Variants in VPS54 observed in about 807,000 individuals in gnomAD.
The protein encoded by VPS54 is vacuolar protein sorting-associated protein 54.
Under a neutral mutation model 121.5 loss-of-function variants are expected in VPS54, and 45 were observed. That is an observed-to-expected ratio of 0.37 (90% confidence interval 0.29 to 0.47). The LOEUF (loss-of-function observed/expected upper bound fraction) is 0.47. Ranked by LOEUF, VPS54 falls within the 20% of genes least tolerant of loss-of-function variation. VPS54 has a pLI of 0.99. For synonymous variants in VPS54, 371 were observed against 385.8 expected (o/e 0.96, Z 0.45); for missense variants, 1,090 against 1,131.4 (o/e 0.96, Z 0.52).
intron 22 of VPS54, among the ~76,000 whole-genome samples, chr2:63,897,061 C>T (rs187136842): frequency 1.0e-3 from 155 of 152,242 alleles, no homozygotes; most frequent in Non-Finnish European, 1.4e-3. Context: ...CAATAGCTTA[C>T]AATAAAATAT....
chr2:63,961,038 T>C lies in VPS54; in HGVS notation c.1010+1020A>G, dbSNP rs180909293. 9.8e-5 allele frequency among the ~76,000 whole-genome samples: 15 copies of C among 152,340 alleles called. No homozygotes were observed. In the East Asian group the frequency reaches 2.7e-3, roughly 27 times the overall value. ...CAGAGCTCCACAGCAATCTTTCCAT[T>C]CATCATACTATATTACACTATATCA... On this transcript the variant is annotated intron_variant, in intron 7 of 22. Coordinates refer to ENST00000272322, the MANE Select transcript of VPS54 (RefSeq NM_016516.3).
At chr2:63,970,401 C>T (rs1312191835) in intron 4 of VPS54, among the ~76,000 whole-genome samples, 2 of 150,718 alleles carry the variant, frequency 1.3e-5, no homozygotes, top group Admixed American at 6.6e-5. Context: ...GCCTCTTACC[C>T]GATCTAGTCC....
At chr2:63,975,626 C>T (rs1046787387) in intron 3 of VPS54, 7 of 152,356 alleles carry the variant, frequency 4.6e-5, no homozygotes, top group Non-Finnish European at 8.8e-5. Context: ...GATGGCTTCT[C>T]CCTATGATAT....
chr2:63,900,606 C>T (rs528683337), intron 20 of VPS54, among the ~76,000 whole-genome samples: 8 of 152,216 alleles, frequency 5.3e-5, no homozygotes, highest in Non-Finnish European at 1.0e-4. Flanking sequence ...GGACAAGGAA[C>T]GCTATAGGAA....
At position 63,920,487 on chromosome 2, in the gene VPS54, C is replaced by G. The variant is rs1455809484; in HGVS notation, c.2010G>C (p.Lys670Asn). 1.3e-6 allele frequency: 2 copies of G among 1,570,472 alleles called. No individual in the cohort carries two copies. The highest frequency in any genetic ancestry group is 1.7e-6 in the Non-Finnish European group (2 of 1,159,076). ...TCTCTTCATGAAACCTATTTACAAA[C>G]TTAATAGCTTGGCTCTGAAGTGCTC... ...LLGALQSQAI[K>N]FVNRFHEERK... Residue 670 changes from lysine to asparagine, a missense_variant, in exon 14 of 23, where the codon AAG becomes AAC. Lys to Asn is a moderately conservative substitution (Grantham distance 94). Transcript: ENST00000272322.
intron 11 of VPS54, 102 bp from the exon 12 acceptor site, chr2:63,934,115 T>C (rs527589168): frequency 1.9e-5 from 19 of 1,008,406 alleles, no homozygotes; most frequent in Non-Finnish European, 2.7e-5. Context: ...TCTATAATCA[T>C]AAATGAGTCA....
At chr2:63,954,213 G>A (rs577563939) in intron 7 of VPS54, among the ~76,000 whole-genome samples, 56 of 152,020 alleles carry the variant, frequency 3.7e-4, no homozygotes, top group Non-Finnish European at 6.8e-4. Flanking sequence ...ATAACACAAA[G>A]TAAGAAAACT....
chr2:64,005,321 T>C (rs1326579691), intron 1 of VPS54, among the ~76,000 whole-genome samples: 1 of 151,070 alleles, frequency 6.6e-6, no homozygotes, highest in Non-Finnish European at 1.5e-5. Context: ...GCCAAGATGG[T>C]CTCGATCTCC....
intron 12 of VPS54, among the ~76,000 whole-genome samples, chr2:63,925,178 A>C (rs1673839790): frequency 6.6e-6 from 1 of 152,230 alleles, no homozygotes; most frequent in Admixed American, 6.5e-5. Context: ...GTGCTGACAT[A>C]ATATAAACAA....
At chr2:63,957,046 C>G (rs77223861) in intron 7 of VPS54, among the ~76,000 whole-genome samples, 4,830 of 152,170 alleles carry the variant, frequency 0.032, 192 homozygotes, top group African/African-American at 0.096. Flanking sequence ...CTCAGCAATA[C>G]TTTTAGTTAA....
chr2:63,926,834 C>G (rs1027428775), intron 12 of VPS54, among the ~76,000 whole-genome samples: 2 of 152,156 alleles, frequency 1.3e-5, no homozygotes, highest in Non-Finnish European at 2.9e-5. Context: ...AGGAGATCCC[C>G]TCCCGTGCCT....
In VPS54 at chr2:63,965,900, G is replaced by A. The variant is rs1675971706; in HGVS notation, c.559C>T (p.His187Tyr). The change falls in exon 6 of 23, where the codon CAT (histidine) becomes TAT (tyrosine). Residue 187 changes from histidine (H) to tyrosine (Y), a missense_variant. His to Tyr is a moderately conservative substitution (Grantham distance 83). Transcript: ENST00000272322. ...LTFNSVLPWS[H>Y]FNTAGGKGNR... ...CCTTTTCCACCAGCAGTATTAAAAT[G>A]AGACCATGGTAAAACTGAATTAAAA... is the stretch of plus-strand genomic sequence containing the variant. The A allele has an allele frequency of 1.2e-6, 2 of 1,612,942 alleles. No homozygotes were observed. The highest frequency in any genetic ancestry group is 1.3e-5 in the African/African-American group (1 of 74,876).
chr2:64,014,644 T>C (rs1678595801), intron 1 of VPS54, among the ~76,000 whole-genome samples: 1 of 152,244 alleles, frequency 6.6e-6, no homozygotes, highest in African/African-American at 2.4e-5. Flanking sequence ...ATTCCTGCCT[T>C]TGACAACCTC....
At chr2:64,000,272 T>C (rs1677808234) in intron 1 of VPS54, among the ~76,000 whole-genome samples, 1 of 152,246 alleles carries the variant, frequency 6.6e-6, no homozygotes, top group African/African-American at 2.4e-5. Flanking sequence ...TAAATTTATC[T>C]GATAGGATTC....
At chr2:63,905,186 A>T (rs1672850098) in intron 20 of VPS54, among the ~76,000 whole-genome samples, 1 of 152,196 alleles carries the variant, frequency 6.6e-6, no homozygotes, top group African/African-American at 2.4e-5. Flanking sequence ...TTAAAAGAAA[A>T]TAGAAAATAA....
intron 1 of VPS54, among the ~76,000 whole-genome samples, chr2:63,985,684 C>T (rs996420555): frequency 3.2e-3 from 128 of 39,968 alleles, no homozygotes; most frequent in African/African-American, 0.021. Flanking sequence ...AAATTATACA[C>T]ACACACACAC....
Position 64,009,895 on chromosome 2 carries a change from G to A in VPS54, c.-21+9043C>T, listed in dbSNP as rs966006127. On this transcript the variant is annotated intron_variant, in intron 1 of 22. Coordinates refer to ENST00000272322, the MANE Select transcript of VPS54 (RefSeq NM_016516.3). ...CTCGCTCTGTCACTCAGGCTGGAGT[G>A]CAGTGGCGTGATCTCGGCTCACTGC... Among the ~76,000 whole-genome samples, 6 of 150,792 alleles carry A rather than the reference G, an allele frequency of 4.0e-5. No homozygotes were observed. In the South Asian group the frequency reaches 8.3e-4, roughly 21 times the overall value.
intron 17 of VPS54, chr2:63,913,964 C>G (rs564881614): frequency 7.7e-7 from 1 of 1,306,162 alleles, no homozygotes. Flanking sequence ...ATGTCATTAA[C>G]AACTCTATGG....
At position 64,008,258 on chromosome 2, in the gene VPS54, C is replaced by T. The variant is rs187542612; in HGVS notation, c.-21+10680G>A. ...TGAAACCCCATCTCTACAAAAAATA[C>T]GAAAAATTAGCCGGGCATGGTGGCA... On this transcript the variant is annotated intron_variant, in intron 1 of 22. Transcript: ENST00000272322. Among the ~76,000 whole-genome samples, 311 of 151,820 alleles carry T rather than the reference C, an allele frequency of 2.0e-3. 1 individual carries two copies. Among genetic ancestry groups the T allele is most frequent in the African/African-American group, 6.7e-3 (278 of 41,402 alleles).
Sources: allele counts gnomAD v4.1 joint callset (sites outside exome capture counted in the v4.1 genomes callset), GRCh38; gene constraint gnomAD v4.1.1; transcripts MANE v1.5; gene names NCBI Gene and HGNC (gene_info 2026-07-23, HGNC 2026-07-21).